DCDC1: variants seen among roughly 807,000 people sequenced by gnomAD.
DCDC1 encodes doublecortin domain-containing protein 1.
A neutral mutation model predicts 178.3 loss-of-function variants in DCDC1; 200 were observed. That is an observed-to-expected ratio of 1.12 (90% CI 1.00 to 1.26). The LOEUF (loss-of-function observed/expected upper bound fraction) is 1.26. Ranked by LOEUF, DCDC1 falls within the 50% of genes most tolerant of loss-of-function variation. The pLI is 0.00. For missense variants in DCDC1, 1,983 were observed against 1,749.2 expected, an observed-to-expected ratio of 1.13 and a Z score of -2.38; for synonymous variants, 690 against 604.8, an observed-to-expected ratio of 1.14 and a Z score of -2.07.
chr11:31,052,096 C>T (rs1454300530), intron 20 of DCDC1, among the ~76,000 whole-genome samples: 2 of 152,130 alleles, frequency 1.3e-5, no homozygotes, highest in Non-Finnish European at 2.9e-5. Context: ...TATCTGCTGC[C>T]TTCAAGAGAC....
At chr11:31,114,029 A>G (rs145357985) in intron 11 of DCDC1, among the ~76,000 whole-genome samples, 1 of 152,172 alleles carries the variant, frequency 6.6e-6, no homozygotes, top group East Asian at 1.9e-4. Context: ...CACCAATCAG[A>G]AAACAGTACA....
chr11:31,134,163 C>T (rs563018744), intron 10 of DCDC1, among the ~76,000 whole-genome samples: 2 of 152,310 alleles, frequency 1.3e-5, no homozygotes, highest in South Asian at 4.1e-4. Context: ...GGAGAAGGAA[C>T]AATTGAAAAC....
At chr11:30,951,582 G>A (rs1028642983) in intron 21 of DCDC1, among the ~76,000 whole-genome samples, 1 of 151,998 alleles carries the variant, frequency 6.6e-6, no homozygotes, top group Non-Finnish European at 1.5e-5. Flanking sequence ...ATTATTAAAA[G>A]ATAAAATTAC....
chr11:31,037,528 G>A (rs1381138120), intron 20 of DCDC1, among the ~76,000 whole-genome samples: 1 of 151,312 alleles, frequency 6.6e-6, no homozygotes, highest in Non-Finnish European at 1.5e-5. Flanking sequence ...CGCCTCCCGG[G>A]ATACGCCATT....
intron 18 of DCDC1, among the ~76,000 whole-genome samples, 171 bp downstream of exon 18, chr11:31,077,694 A>T (rs1956949775): frequency 6.6e-6 from 1 of 152,222 alleles, no homozygotes; most frequent in Non-Finnish European, 1.5e-5. Context: ...AATTAAAAAA[A>T]AAAGTTAAAG....
intron 11 of DCDC1, among the ~76,000 whole-genome samples, chr11:31,123,338 A>C (rs1022645782): frequency 6.6e-6 from 1 of 152,148 alleles, no homozygotes; most frequent in African/African-American, 2.4e-5. Flanking sequence ...GAGAATAGGT[A>C]ATAGTAAAAT....
intron 20 of DCDC1, among the ~76,000 whole-genome samples, chr11:31,021,316 A>G (rs1196023502): frequency 6.6e-6 from 1 of 152,258 alleles, no homozygotes; most frequent in Non-Finnish European, 1.5e-5. Flanking sequence ...GCATAAGACT[A>G]GAAACAACCT....
At chr11:31,288,457 A>G (rs1430731314) in intron 7 of DCDC1, among the ~76,000 whole-genome samples, 1 of 151,956 alleles carries the variant, frequency 6.6e-6, no homozygotes, top group Admixed American at 6.6e-5. Context: ...TACTTCCTAA[A>G]GTAAATAAAT....
At chr11:31,259,963 T>C (rs1395632885) in intron 8 of DCDC1, among the ~76,000 whole-genome samples, 1 of 152,196 alleles carries the variant, frequency 6.6e-6, no homozygotes, top group African/African-American at 2.4e-5. Context: ...GAGTGGCTAC[T>C]GTTGTGAATG....
chr11:30,894,404 G>A lies in DCDC1; in HGVS notation c.4766-20C>T. ...GCCGCCCTGAGGAAACAAGTCTCTA[G>A]AAATTTTGTTTCTGATGATAGGCTT... On this transcript the variant is annotated intron_variant, in intron 34 of 38. Coordinates refer to ENST00000684477, the MANE Select transcript of DCDC1 (RefSeq NM_001387274.1). 1 of 1,603,328 alleles carries A rather than the reference G, an allele frequency of 6.2e-7. No individual in the cohort carries two copies. Among genetic ancestry groups the A allele is most frequent in the East Asian group, 2.2e-5 (1 of 44,800 alleles).
intron 9 of DCDC1, among the ~76,000 whole-genome samples, chr11:31,158,839 C>A (rs932199258): frequency 6.6e-6 from 1 of 152,090 alleles, no homozygotes; most frequent in African/African-American, 2.4e-5. Context: ...CTGCTTATAT[C>A]TAAATAAGCC....
At chr11:30,961,576 C>A (rs911189939) in intron 20 of DCDC1, among the ~76,000 whole-genome samples, 1 of 151,784 alleles carries the variant, frequency 6.6e-6, no homozygotes, top group Non-Finnish European at 1.5e-5. Context: ...TTAGGATTAC[C>A]TAAGCAACAA....
intron 9 of DCDC1, among the ~76,000 whole-genome samples, chr11:31,175,949 C>T (rs1212542735): frequency 6.6e-6 from 1 of 152,052 alleles, no homozygotes; most frequent in Non-Finnish European, 1.5e-5. Flanking sequence ...GACAACTATC[C>T]CACTAGATGC....
chr11:31,127,394 T>C (rs1048598436), intron 11 of DCDC1, 75 bp downstream of exon 11: 1 of 612,234 alleles, frequency 1.6e-6, no homozygotes, highest in African/African-American at 1.9e-5. Flanking sequence ...AGTGGCATTG[T>C]TATAAGTGTT....
chr11:30,911,632 C>T (rs1299403025), intron 27 of DCDC1, among the ~76,000 whole-genome samples: 1 of 152,188 alleles, frequency 6.6e-6, no homozygotes, highest in Admixed American at 6.5e-5. Flanking sequence ...AGGGGCTCTC[C>T]TGCTCTTTCT....
chr11:30,884,379 T>A (rs926127091), intron 36 of DCDC1, among the ~76,000 whole-genome samples: 4 of 152,180 alleles, frequency 2.6e-5, no homozygotes, highest in African/African-American at 9.7e-5. Flanking sequence ...TCTCTTTTTT[T>A]TGTTACGAAT....
At chr11:31,107,349 A>G (rs1465165196) in intron 12 of DCDC1, among the ~76,000 whole-genome samples, 1 of 152,172 alleles carries the variant, frequency 6.6e-6, no homozygotes, top group African/African-American at 2.4e-5. Flanking sequence ...ACCACGTTCA[A>G]GTTTCACAAT....
At chr11:31,141,133 T>A (rs1482565765) in intron 9 of DCDC1, among the ~76,000 whole-genome samples, 2 of 152,200 alleles carry the variant, frequency 1.3e-5, no homozygotes, top group South Asian at 2.1e-4. Context: ...TGGGTTTTAT[T>A]TTTAACTCTC....
At chr11:31,105,827 C>G (rs892031594) in intron 13 of DCDC1, among the ~76,000 whole-genome samples, 1 of 152,128 alleles carries the variant, frequency 6.6e-6, no homozygotes, top group African/African-American at 2.4e-5. Context: ...GAATATATAG[C>G]AAATCCAATA....
Sources: gnomAD v4.1 joint callset for allele counts (sites outside exome capture counted in the v4.1 genomes callset) on GRCh38, gnomAD v4.1.1 for gene constraint, MANE v1.5 for transcripts, NCBI Gene and HGNC (gene_info 2026-07-23, HGNC 2026-07-21) for gene names.